Variants in XYLT1 observed in about 807,000 individuals in gnomAD.
The protein encoded by XYLT1 is xylosyltransferase 1.
In XYLT1, 36 loss-of-function variants were observed where a neutral mutation model predicts 91.3. The observed-to-expected ratio is 0.39, with a 90% confidence interval of 0.30 to 0.52. XYLT1 has a LOEUF of 0.52. XYLT1 is among the 20% of genes least tolerant of loss of function. The probability of loss-of-function intolerance (pLI) is 0.68; values close to 1 mark genes in which losing one functional copy is unlikely to be tolerated. For missense variants in XYLT1, 1,242 were observed against 1,284.5 expected (o/e 0.97, Z 0.51); for synonymous variants, 588 against 532.0 (o/e 1.11, Z -1.45).
intron 3 of XYLT1, among the ~76,000 whole-genome samples, chr16:17,217,748 A>C (rs2032886625): frequency 6.6e-6 from 1 of 152,198 alleles, no homozygotes; most frequent in African/African-American, 2.4e-5. Context: ...GCAATGAATG[A>C]AAAGTACGGG....
At chr16:17,458,974 C>T (rs1014110549) in intron 1 of XYLT1, among the ~76,000 whole-genome samples, 10 of 151,936 alleles carry the variant, frequency 6.6e-5, no homozygotes, top group East Asian at 1.9e-4. Context: ...CTAGGATACT[C>T]GGATGTGTTC....
In XYLT1 at chr16:17,359,732, T is replaced by A. The variant is rs546603585; in HGVS notation, c.364-1682A>T. ...CCTATAAAGGAATCTGGGGAAGTCA[T>A]GAAGGAGCTGTTTTGGGCCTGTCTC... On this transcript the variant is annotated intron_variant, in intron 1 of 11. Coordinates refer to ENST00000261381, the MANE Select transcript of XYLT1 (RefSeq NM_022166.4). 6.6e-5 allele frequency among the ~76,000 whole-genome samples: 10 copies of A among 152,202 alleles called. No homozygotes were observed. In the East Asian group the frequency reaches 1.9e-3, roughly 29 times the overall value.
chr16:17,232,118 A>G (rs959743710), intron 3 of XYLT1, among the ~76,000 whole-genome samples: 1 of 145,054 alleles, frequency 6.9e-6, no homozygotes, highest in Non-Finnish European at 1.5e-5. Context: ...CGATAATTAT[A>G]TATATTATAA....
chr16:17,319,765 C>G (rs2034689487), intron 2 of XYLT1, among the ~76,000 whole-genome samples: 1 of 152,140 alleles, frequency 6.6e-6, no homozygotes, highest in Non-Finnish European at 1.5e-5. Flanking sequence ...ATCAAGATAC[C>G]AAGCCTGAAT....
chr16:17,172,622 C>T (rs1230287716), intron 5 of XYLT1, among the ~76,000 whole-genome samples: 2 of 152,116 alleles, frequency 1.3e-5, no homozygotes, highest in Non-Finnish European at 2.9e-5. Context: ...CAAGCATCCA[C>T]CACCACATCT....
At position 17,108,930 on chromosome 16, in the gene XYLT1, G is replaced by A. The variant is rs761331511; in HGVS notation, c.2645C>T (p.Pro882Leu). 1 of 1,598,868 alleles carries A rather than the reference G, an allele frequency of 6.3e-7. No homozygotes were observed. Among genetic ancestry groups the A allele is most frequent in the Non-Finnish European group, 8.6e-7 (1 of 1,168,832 alleles). Residue 882 changes from proline to leucine, a missense_variant, in exon 12 of 12, where the codon CCC becomes CTC. By Grantham distance (98) the Pro-to-Leu change is moderately conservative (BLOSUM62 -3). This residue lies in a region of XYLT1 where 511 missense variants were observed against 497.0 expected (regional missense o/e 1.03). Transcript: ENST00000261381. The part of the protein sequence containing the change: ...FQSLNPVLSL[P>L]INPAQVEQAR... The stretch of plus-strand genomic sequence containing the variant: ...CTGTTCCACCTGGGCGGGGTTGATG[G>A]GCAGGCTGAGGACGGGGTTTAGGCT...
chr16:17,451,774 C>A (rs1367305564), intron 1 of XYLT1, among the ~76,000 whole-genome samples: 3 of 152,128 alleles, frequency 2.0e-5, no homozygotes, highest in African/African-American at 7.2e-5. Context: ...GGGACCTGCT[C>A]CCCAGAGCTC....
At chr16:17,407,104 C>T (rs1371585721) in intron 1 of XYLT1, among the ~76,000 whole-genome samples, 3 of 152,122 alleles carry the variant, frequency 2.0e-5, no homozygotes, top group African/African-American at 7.2e-5. Flanking sequence ...GGAGTTCAAG[C>T]GATTCTCCTG....
At chr16:17,226,892 T>C (rs1204925125) in intron 3 of XYLT1, 5 of 152,250 alleles carry the variant, frequency 3.3e-5, no homozygotes, top group Admixed American at 3.3e-4. Flanking sequence ...AATGACTTCA[T>C]TGCTTTGAGC....
chr16:17,114,945 C>T (rs111366658), intron 11 of XYLT1, among the ~76,000 whole-genome samples: 33,799 of 151,786 alleles, frequency 0.22, 4,487 homozygotes, highest in East Asian at 0.6. Context: ...CCCGGGTTCA[C>T]GCCATTCTCC....
chr16:17,411,815 G>A (rs144179026), intron 1 of XYLT1, among the ~76,000 whole-genome samples: 8 of 152,224 alleles, frequency 5.3e-5, no homozygotes, highest in East Asian at 1.9e-4. Context: ...AAGAAACTCC[G>A]GTGCCCTGAA....
intron 2 of XYLT1, among the ~76,000 whole-genome samples, chr16:17,324,015 C>T (rs1330236025): frequency 2.0e-5 from 3 of 152,118 alleles, no homozygotes. Flanking sequence ...GAAGACATGT[C>T]ACAACAGCTG....
intron 1 of XYLT1, among the ~76,000 whole-genome samples, chr16:17,460,316 C>T (rs1262075854): frequency 1.3e-5 from 2 of 152,202 alleles, no homozygotes; most frequent in East Asian, 3.9e-4. Context: ...AGAGGGGAAA[C>T]AGGTTTATCA....
At chr16:17,386,667 A>G (rs2035751395) in intron 1 of XYLT1, among the ~76,000 whole-genome samples, 1 of 152,212 alleles carries the variant, frequency 6.6e-6, no homozygotes. Flanking sequence ...GCATCCAAGA[A>G]GATATGCCTG....
At chr16:17,363,323 TA>T (rs1337685004) in intron 1 of XYLT1, among the ~76,000 whole-genome samples, 1 of 152,216 alleles carries the variant, frequency 6.6e-6, no homozygotes, top group African/African-American at 2.4e-5. Context: ...ATTCATTTGC[TA>T]GGGCTGCTAT....
intron 1 of XYLT1, among the ~76,000 whole-genome samples, chr16:17,377,079 A>C (rs2035611714): frequency 1.3e-5 from 2 of 150,642 alleles, no homozygotes; most frequent in South Asian, 2.1e-4. Flanking sequence ...CAGGAGGCTG[A>C]GGCAGGAGAA....
intron 1 of XYLT1, among the ~76,000 whole-genome samples, chr16:17,399,191 A>G (rs1416967207): frequency 6.6e-6 from 1 of 152,200 alleles, no homozygotes; most frequent in Non-Finnish European, 1.5e-5. Context: ...GAGAGGGGAC[A>G]TAATTCAACC....
At chr16:17,162,290 G>T (rs2031573528) in intron 5 of XYLT1, among the ~76,000 whole-genome samples, 1 of 151,736 alleles carries the variant, frequency 6.6e-6, no homozygotes, top group Non-Finnish European at 1.5e-5. Flanking sequence ...TACACCTGTA[G>T]TCCCAGCTAC....
At chr16:17,229,319 C>A (rs914164627) in intron 3 of XYLT1, among the ~76,000 whole-genome samples, 1 of 152,176 alleles carries the variant, frequency 6.6e-6, no homozygotes, top group Non-Finnish European at 1.5e-5. Context: ...TTGCCTCCAT[C>A]CTCCTTGTGC....
Sources: allele counts gnomAD v4.1 joint callset (sites outside exome capture counted in the v4.1 genomes callset), GRCh38; gene constraint gnomAD v4.1.1; regional missense constraint gnomAD v4.1.1; transcripts MANE v1.5; gene names NCBI Gene and HGNC (gene_info 2026-07-23, HGNC 2026-07-21).